Variants in SLC4A4 observed in about 807,000 individuals in gnomAD.
The protein encoded by SLC4A4 is electrogenic sodium bicarbonate cotransporter 1.
A neutral mutation model predicts 111.5 loss-of-function variants in SLC4A4; 27 were observed. That is an observed-to-expected ratio of 0.24 (90% CI 0.18 to 0.33). The LOEUF (loss-of-function observed/expected upper bound fraction) is 0.33. SLC4A4 is among the 10% of genes least tolerant of loss of function. The probability of loss-of-function intolerance (pLI) is 1.00; values close to 1 mark genes in which losing one functional copy is unlikely to be tolerated. For synonymous variants in SLC4A4, 443 were observed against 463.4 expected, an observed-to-expected ratio of 0.96 and a Z score of 0.57; for missense variants, 909 against 1,315.5, an observed-to-expected ratio of 0.69 and a Z score of 4.78.
At chr4:71,509,120 T>A (rs1731679300) in intron 16 of SLC4A4, among the ~76,000 whole-genome samples, 1 of 152,210 alleles carries the variant, frequency 6.6e-6, no homozygotes, top group Non-Finnish European at 1.5e-5. Context: ...ATGACAGCCA[T>A]GTATGACAAA....
chr4:71,216,809 C>T (rs1277676419), intron 1 of SLC4A4, among the ~76,000 whole-genome samples: 1 of 152,130 alleles, frequency 6.6e-6, no homozygotes, highest in East Asian at 1.9e-4. Context: ...CCTTTATGAA[C>T]TTGTGCCTGT....
chr4:71,418,133 G>A (rs1579053941), intron 7 of SLC4A4, among the ~76,000 whole-genome samples: 1 of 152,022 alleles, frequency 6.6e-6, no homozygotes, highest in Admixed American at 6.6e-5. Flanking sequence ...TTTTAAACTG[G>A]GGCAGTACTT....
intron 6 of SLC4A4, among the ~76,000 whole-genome samples, chr4:71,369,104 C>T (rs1287721990): frequency 6.6e-6 from 1 of 152,046 alleles, no homozygotes; most frequent in African/African-American, 2.4e-5. Context: ...ATGATGACCC[C>T]CGAGTGCGGC....
At chr4:71,262,152 G>GA (rs1215016752) in intron 3 of SLC4A4, among the ~76,000 whole-genome samples, 4 of 152,058 alleles carry the variant, frequency 2.6e-5, no homozygotes, top group Non-Finnish European at 5.9e-5. Flanking sequence ...TGAATGCACT[G>GA]AAAAAAAGAA....
chr4:71,374,869 T>C (rs1223735344), intron 6 of SLC4A4, among the ~76,000 whole-genome samples: 2 of 152,124 alleles, frequency 1.3e-5, no homozygotes, highest in African/African-American at 4.8e-5. Context: ...GTGATATATT[T>C]ATAATCAGAC....
At chr4:71,084,315 A>C (rs1430866222) in intron 1 of SLC4A4, among the ~76,000 whole-genome samples, 1 of 152,022 alleles carries the variant, frequency 6.6e-6, no homozygotes, top group Non-Finnish European at 1.5e-5. Flanking sequence ...GTCTTTTCAT[A>C]TGTATGTTTC....
rs559444448 is a variant in SLC4A4, at chr4:71,484,165, C to T, written c.1904-2783C>T. Among the ~76,000 whole-genome samples, 6 of 151,866 alleles carry T rather than the reference C, an allele frequency of 4.0e-5. No homozygotes were observed. In the East Asian group the frequency reaches 7.8e-4, roughly 20 times the overall value. ...GATAGTTTATTTTGCTGTGCAGAAG[C>T]GCTTTAGTTTAATTAAATTCCATTT... On this transcript the variant is annotated intron_variant, in intron 14 of 25. Coordinates refer to ENST00000264485, the MANE Select transcript of SLC4A4 (RefSeq NM_001098484.3).
At position 71,087,293 on chromosome 4, in the gene SLC4A4, T is replaced by C. The variant is rs1463881947; in HGVS notation, c.-64-5437T>C. 1.1e-4 allele frequency among the ~76,000 whole-genome samples: 16 copies of C among 152,020 alleles called. No individual in the cohort carries two copies. In the East Asian group the frequency reaches 3.1e-3, roughly 29 times the overall value. ...TTTTTGCATCTATTTGAGTCTTCTC[T>C]CTTTTTTCTTTATTAGTCTTGCTAG... is the stretch of plus-strand genomic sequence containing the variant. On this transcript the variant is annotated intron_variant, in intron 1 of 26. Coordinates refer to the SLC4A4 transcript ENST00000649996.
chr4:71,211,328 G>C (rs1560782354), intron 1 of SLC4A4, among the ~76,000 whole-genome samples: 3 of 152,084 alleles, frequency 2.0e-5, no homozygotes, highest in Admixed American at 6.5e-5. Context: ...ATTTAGGTCT[G>C]TCATCACCAT....
intron 16 of SLC4A4, among the ~76,000 whole-genome samples, chr4:71,505,413 A>C (rs1731326322): frequency 6.6e-6 from 1 of 150,536 alleles, no homozygotes; most frequent in Non-Finnish European, 1.5e-5. Flanking sequence ...AGAGGATCTC[A>C]TTGCAGTTTT....
At chr4:71,253,738 A>G (rs1295860170) in intron 2 of SLC4A4, among the ~76,000 whole-genome samples, 6 of 152,168 alleles carry the variant, frequency 3.9e-5, no homozygotes, top group Non-Finnish European at 5.9e-5. Flanking sequence ...GTTACACATG[A>G]TAGATACACT....
intron 20 of SLC4A4, among the ~76,000 whole-genome samples, chr4:71,549,444 C>T (rs1341286529): frequency 2.0e-5 from 3 of 151,804 alleles, no homozygotes; most frequent in Admixed American, 2.0e-4. Flanking sequence ...AAGGTGGGCT[C>T]ACTTCAAGTA....
rs530827819 is a variant in SLC4A4, at chr4:71,153,232, G to T, written c.-2+60440G>T. ...GAGAAAGATGTAGGCTGGGAGGCTA[G>T]GCTTTATATTTTAAACAAGCTGGCA... On this transcript the variant is annotated intron_variant, in intron 2 of 26. Coordinates refer to the SLC4A4 transcript ENST00000649996. Among the ~76,000 whole-genome samples, 21 of 151,720 alleles carry T rather than the reference G, an allele frequency of 1.4e-4. No individual in the cohort carries two copies. The South Asian group carries it at 4.0e-3, about 29-fold the overall frequency.
chr4:71,357,657 C>T (rs930556791), intron 6 of SLC4A4, among the ~76,000 whole-genome samples: 3 of 152,272 alleles, frequency 2.0e-5, no homozygotes, highest in South Asian at 4.2e-4. Context: ...TAAATGATGA[C>T]TTCATCAAAC....
intron 16 of SLC4A4, among the ~76,000 whole-genome samples, chr4:71,521,362 T>G (rs1424147096): frequency 6.6e-6 from 1 of 152,150 alleles, no homozygotes; most frequent in Admixed American, 6.5e-5. Flanking sequence ...TCCGAGTAGC[T>G]GGAACTACAG....
At chr4:71,258,002 C>CT (rs1202490284) in intron 3 of SLC4A4, among the ~76,000 whole-genome samples, 1 of 152,166 alleles carries the variant, frequency 6.6e-6, no homozygotes, top group Non-Finnish European at 1.5e-5. Flanking sequence ...GCAGTCTCTG[C>CT]TTTTTAAGTA....
intron 2 of SLC4A4, among the ~76,000 whole-genome samples, chr4:71,179,519 A>C (rs944740504): frequency 2.8e-4 from 43 of 151,850 alleles, no homozygotes; most frequent in Non-Finnish European, 2.5e-4. Context: ...TCAGGATACA[A>C]AATCAATGTG....
At chr4:71,266,489 C>CT (rs1722269997) in intron 3 of SLC4A4, among the ~76,000 whole-genome samples, 2 of 152,280 alleles carry the variant, frequency 1.3e-5, no homozygotes, top group South Asian at 4.1e-4. Flanking sequence ...ATTTTTGTCA[C>CT]TTTCACTAAT....
chr4:71,458,216 A>T (rs956050861), intron 12 of SLC4A4, among the ~76,000 whole-genome samples: 3 of 152,074 alleles, frequency 2.0e-5, no homozygotes, highest in African/African-American at 7.2e-5. Context: ...TTGTTCATTC[A>T]AAGTACTGTC....
Sources: allele counts gnomAD v4.1 joint callset (sites outside exome capture counted in the v4.1 genomes callset), GRCh38; gene constraint gnomAD v4.1.1; transcripts MANE v1.5; gene names NCBI Gene and HGNC (gene_info 2026-07-23, HGNC 2026-07-21).